AATK: variants seen among roughly 807,000 people sequenced by gnomAD.
The protein encoded by AATK is lemur tail kinase 1, also known as serine/threonine-protein kinase LMTK1.
Under a neutral mutation model 114.3 loss-of-function variants are expected in AATK, and 91 were observed. The observed-to-expected ratio is 0.80, with a 90% confidence interval of 0.67 to 0.95. The LOEUF is 0.95. Ranked by LOEUF, AATK falls within the 40% of genes least tolerant of loss-of-function variation. AATK has a pLI of 0.00. For synonymous variants in AATK, 1,075 were observed against 916.5 expected (o/e 1.17, Z -3.12); for missense variants, 2,176 against 1,965.2 (o/e 1.11, Z -2.03).
chr17:81,157,890 G>C (rs1209600073), intron 1 of AATK, among the ~76,000 whole-genome samples: 1 of 152,202 alleles, frequency 6.6e-6, no homozygotes, highest in African/African-American at 2.4e-5. Context: ...CTTGGCCCTC[G>C]GTCCCGCTCT....
In AATK at chr17:81,125,017, G is replaced by T; in HGVS notation, c.756-3C>A. On this transcript the variant is annotated splice_polypyrimidine_tract_variant and splice_region_variant and intron_variant, in intron 7 of 13. Transcript: ENST00000326724. ...GGCAGTTCCGCAGGGCCAGGTCGCT[G>T]CAGGCAGGGGCAGGGGCAGGGGCAG... 1 of 1,511,558 alleles carries T rather than the reference G, an allele frequency of 6.6e-7. No homozygotes were observed. Among genetic ancestry groups the T allele is most frequent in the Non-Finnish European group, 8.9e-7 (1 of 1,128,532 alleles). The allele number at this position is 1,511,558 out of a possible 1,614,324, so 93.6% of individuals were successfully genotyped here.
At chr17:81,138,619 AT>A (rs1487485898) in intron 1 of AATK, among the ~76,000 whole-genome samples, 12 of 130,860 alleles carry the variant, frequency 9.2e-5, no homozygotes, top group African/African-American at 3.2e-4. Flanking sequence ...ACACACACAC[AT>A]ACCCACACAC....
chr17:81,165,759 G>A, intron 1 of AATK, 179 bp downstream of exon 1: 26 of 1,519,686 alleles, frequency 1.7e-5, no homozygotes, highest in Middle Eastern at 1.8e-4. Context: ...TTTGTGCTGG[G>A]GCCCAGGGCC....
chr17:81,148,939 T>C (rs1215525324), intron 1 of AATK, among the ~76,000 whole-genome samples: 1 of 152,152 alleles, frequency 6.6e-6, no homozygotes, highest in African/African-American at 2.4e-5. Flanking sequence ...AGTTGGGCAG[T>C]TGGCGAGGTG....
intron 1 of AATK, among the ~76,000 whole-genome samples, chr17:81,140,969 G>A (rs1179893296): frequency 6.7e-6 from 1 of 148,530 alleles, no homozygotes; most frequent in Non-Finnish European, 1.5e-5. Flanking sequence ...GTGAGCCGTG[G>A]GGCCGTGGGG....
chr17:81,165,747 G>A lies in AATK; in HGVS notation c.55+191C>T, dbSNP rs1453831338. On this transcript the variant is annotated intron_variant, in intron 1 of 13. Transcript: ENST00000326724. Reference sequence around the variant, plus strand: ...GGACGCCAGCCCACAGGCGGAGGCCGGTTTGTGCTGGGGCCCAGGGCCTGC... The same window carrying A: ...GGACGCCAGCCCACAGGCGGAGGCCAGTTTGTGCTGGGGCCCAGGGCCTGC... The A allele has an allele frequency of 6.6e-6, 10 of 1,524,578 alleles. No homozygotes were observed. In the South Asian group the frequency reaches 9.7e-5, roughly 15 times the overall value. The allele number at this position is 1,524,578 out of a possible 1,614,324, so 94.4% of individuals were successfully genotyped here.
chr17:81,165,845 T>C lies in AATK; in HGVS notation c.55+93A>G, dbSNP rs1043759205. 48 of 1,527,072 alleles carry C rather than the reference T, an allele frequency of 3.1e-5. 1 individual carries two copies. The highest frequency in any genetic ancestry group is 6.9e-5 in the African/African-American group (5 of 72,080). 94.6% of individuals were successfully genotyped at this position (1,527,072 alleles called of 1,614,324 possible). ...GGGCTCGGGGCGGGGAAAGGGTTAATTTCCATGCAAACCGGGAGCCGTGGG... is the reference window on the plus strand; with the variant it reads ...GGGCTCGGGGCGGGGAAAGGGTTAACTTCCATGCAAACCGGGAGCCGTGGG... On this transcript the variant is annotated intron_variant, in intron 1 of 13. Coordinates refer to ENST00000326724, the MANE Select transcript of AATK (RefSeq NM_001080395.3).
At chr17:81,127,491 C>T (rs939174831) in intron 6 of AATK, 92 bp downstream of exon 6, 36 of 1,283,860 alleles carry the variant, frequency 2.8e-5, no homozygotes, top group Non-Finnish European at 3.9e-5. Flanking sequence ...GGATGTGAGG[C>T]CCCCAAGGAG....
chr17:81,131,833 G>A, intron 2 of AATK: 1 of 1,296,634 alleles, frequency 7.7e-7, no homozygotes, highest in South Asian at 1.2e-5. Context: ...ACCCCTGCCG[G>A]GACAAGGAGC....
At chr17:81,152,967 C>T (rs1274998495) in intron 1 of AATK, among the ~76,000 whole-genome samples, 1 of 151,932 alleles carries the variant, frequency 6.6e-6, no homozygotes, top group East Asian at 1.9e-4. Context: ...CTCAGTCTCC[C>T]GAGTAGCAAG....
At chr17:81,165,861 G>C in intron 1 of AATK, 77 bp downstream of exon 1, 1 of 1,534,710 alleles carries the variant, frequency 6.5e-7, no homozygotes, top group Non-Finnish European at 8.8e-7. Flanking sequence ...TGCAAACCGG[G>C]AGCCGTGGGG....
Position 81,117,930 on chromosome 17 carries a change from G to C in AATK, c.*472C>G, listed in dbSNP as rs2060587443. On this transcript the variant is annotated 3_prime_UTR_variant, in exon 14 of 14. Transcript: ENST00000326724. ...GCCACCAGGAACCAGGCAAGGGTGG[G>C]GGCACAGGGGGTGGGAAGAGGCTCA... The C allele has an allele frequency of 6.4e-6, 1 of 155,386 alleles. No homozygotes were observed. Among genetic ancestry groups the C allele is most frequent in the South Asian group, 2.0e-4 (1 of 5,126 alleles). The allele number at this position is 155,386 out of a possible 1,614,324, so 9.6% of individuals were successfully genotyped here.
chr17:81,156,977 C>T (rs2061374551), intron 1 of AATK, among the ~76,000 whole-genome samples: 1 of 152,256 alleles, frequency 6.6e-6, no homozygotes. Flanking sequence ...GGAGAGAGGG[C>T]AGGAGGAGCC....
intron 1 of AATK, among the ~76,000 whole-genome samples, chr17:81,138,354 C>A (rs549623879): frequency 6.7e-6 from 1 of 150,268 alleles, no homozygotes; most frequent in Non-Finnish European, 1.5e-5. Flanking sequence ...CACATACCCA[C>A]GCACACACAC....
rs1209212695 is a variant in AATK at position 81,122,690 on chromosome 17, A to C, written c.1246T>G (p.Ser416Ala). 6.5e-7 allele frequency: 1 copy of C among 1,547,472 alleles called. No homozygotes were observed. The highest frequency in any genetic ancestry group is 8.7e-7 in the Non-Finnish European group (1 of 1,145,806). The change falls in exon 11 of 14, where the codon TCT becomes GCT. Residue 416 changes from serine to alanine, a missense_variant. Coordinates refer to ENST00000326724, the MANE Select transcript of AATK (RefSeq NM_001080395.3). ...ACGCCGCCCCCGCCGGGCCGCAGAG[A>C]GCGCCAGCGCCGTTCAAACTCCTCC... Reference protein sequence around the residue: ...AEEEFERRWRSLRPGGGGVGP... With the variant: ...AEEEFERRWRALRPGGGGVGP...
chr17:81,122,887 C>G, intron 10 of AATK, 64 bp from the exon 11 acceptor site: 1 of 1,360,580 alleles, frequency 7.3e-7, no homozygotes, highest in Non-Finnish European at 9.7e-7. Context: ...GTCCCTGGAG[C>G]AGGGATGGGG....
Position 81,122,604 on chromosome 17 carries a change from G to T in AATK, c.1332C>A (p.Ala444=). 1 of 1,427,710 alleles carries T rather than the reference G, an allele frequency of 7.0e-7. No homozygotes were observed. Among genetic ancestry groups the T allele is most frequent in the Non-Finnish European group, 9.3e-7 (1 of 1,080,438 alleles). 88.4% of individuals were successfully genotyped at this position (1,427,710 alleles called of 1,614,324 possible). Residue 444 remains alanine, a synonymous_variant, in exon 11 of 14, where the codon GCC becomes GCA. Coordinates refer to ENST00000326724, the MANE Select transcript of AATK (RefSeq NM_001080395.3). Reference sequence around the variant, plus strand: ...ACTGCTCCAGCAGCGGGAAGGACGAGGCAGCGGCGAGCTCCACCACGCCGC... The same window carrying T: ...ACTGCTCCAGCAGCGGGAAGGACGATGCAGCGGCGAGCTCCACCACGCCGC... The part of the protein sequence containing the change: ...MLGGVVELAA[A]SSFPLLEQFA...
At chr17:81,131,539 C>T (rs990753500) in intron 2 of AATK, among the ~76,000 whole-genome samples, 1 of 152,212 alleles carries the variant, frequency 6.6e-6, no homozygotes, top group African/African-American at 2.4e-5. Context: ...TCAGCCTGGC[C>T]TCAGTTCCCC....
Position 81,127,634 on chromosome 17 carries a change from G to A in AATK, c.570C>T (p.Ala190=). The change falls in exon 6 of 14, where the codon GCC becomes GCT. Residue 190 remains alanine (A), a synonymous_variant. Coordinates refer to ENST00000326724, the MANE Select transcript of AATK (RefSeq NM_001080395.3). ...GGTAGGGCGTCACCTCGGCGCACTG[G>A]GCCAGGCACTGGAGCAGGTTGCTGT... The part of the protein sequence containing the change: ...LKHSNLLQCL[A]QCAEVTPYLL... 1 of 1,600,370 alleles carries A rather than the reference G, an allele frequency of 6.2e-7. No individual in the cohort carries two copies. Among genetic ancestry groups the A allele is most frequent in the African/African-American group, 1.3e-5 (1 of 74,782 alleles).
Sources: allele counts gnomAD v4.1 joint callset (sites outside exome capture counted in the v4.1 genomes callset), GRCh38; gene constraint gnomAD v4.1.1; transcripts MANE v1.5; gene names NCBI Gene and HGNC (gene_info 2026-07-23, HGNC 2026-07-21).